PLAC8: variants seen among roughly 807,000 people sequenced by gnomAD.
PLAC8 encodes placenta-specific gene 8 protein.
A neutral mutation model predicts 12.6 loss-of-function variants in PLAC8; 6 were observed. The ratio of observed to expected loss-of-function variants is 0.48; its 90% CI spans 0.26 to 0.94. The LOEUF is 0.94. Among genes scored for constraint, PLAC8 ranks in the 40% least tolerant of loss-of-function variants. PLAC8 has a pLI of 0.14. For missense variants in PLAC8, 122 were observed against 152.7 expected (o/e 0.80, Z 1.06); for synonymous variants, 54 against 52.6 (o/e 1.03, Z -0.11).
At chr4:83,108,513 G>A (rs1402559415) in intron 1 of PLAC8, among the ~76,000 whole-genome samples, 1 of 152,214 alleles carries the variant, frequency 6.6e-6, no homozygotes, top group East Asian at 1.9e-4. Context: ...AGAATCGCTT[G>A]AACCGGGAAG....
At chr4:83,096,941 G>T (rs1578736056) in intron 3 of PLAC8, among the ~76,000 whole-genome samples, 1 of 152,176 alleles carries the variant, frequency 6.6e-6, no homozygotes, top group East Asian at 1.9e-4. Flanking sequence ...TTGGCTTTGG[G>T]TTGCTTTGCA....
At chr4:83,093,074 G>A (rs568276708) in intron 4 of PLAC8, 1 of 152,348 alleles carries the variant, frequency 6.6e-6, no homozygotes, top group Non-Finnish European at 1.5e-5. Context: ...TGGGATCACA[G>A]GTGTGAGCCA....
chr4:83,111,449 C>T (rs570877318), intron 1 of PLAC8, among the ~76,000 whole-genome samples: 2 of 149,896 alleles, frequency 1.3e-5, no homozygotes, highest in East Asian at 2.0e-4. Context: ...GGTGGATCCT[C>T]GGTGACAGAG....
At position 83,104,919 on chromosome 4, in the gene PLAC8, A is replaced by T; in HGVS notation, c.220T>A (p.Tyr74Asn). Residue 74 changes from tyrosine (Y) to asparagine (N), a missense_variant, in exon 3 of 5, where the codon TAC becomes AAC. Coordinates refer to ENST00000311507, the MANE Select transcript of PLAC8 (RefSeq NM_016619.3). Reference sequence around the variant, plus strand: ...ACAGGGATGCCATATCGGGTCCTGTAGAGAGTCCTCATTGCGACGCTTGTT... The same window carrying T: ...ACAGGGATGCCATATCGGGTCCTGTTGAGAGTCCTCATTGCGACGCTTGTT... ...CGTSVAMRTL[Y>N]RTRYGIPGSI... is the part of the protein sequence containing the mutation. The T allele has an allele frequency of 1.2e-6, 2 of 1,614,078 alleles. No individual in the cohort carries two copies. Among genetic ancestry groups the T allele is most frequent in the Non-Finnish European group, 1.7e-6 (2 of 1,179,952 alleles).
At chr4:83,100,621 T>C (rs1378075691) in intron 3 of PLAC8, among the ~76,000 whole-genome samples, 1 of 152,206 alleles carries the variant, frequency 6.6e-6, no homozygotes, top group Non-Finnish European at 1.5e-5. Flanking sequence ...ACTGCTCCAC[T>C]GACCAGCTGT....
chr4:83,108,848 T>A (rs1732326844), intron 1 of PLAC8, among the ~76,000 whole-genome samples: 1 of 152,084 alleles, frequency 6.6e-6, no homozygotes, highest in African/African-American at 2.4e-5. Context: ...GTTCCTAATT[T>A]ATTCTTTTTT....
chr4:83,100,047 G>A (rs1354739041), intron 3 of PLAC8, among the ~76,000 whole-genome samples: 1 of 149,078 alleles, frequency 6.7e-6, no homozygotes, highest in Non-Finnish European at 1.5e-5. Flanking sequence ...GAGGCGGGCA[G>A]ATCACAAGGT....
At chr4:83,095,892 T>C (rs949343118) in intron 3 of PLAC8, among the ~76,000 whole-genome samples, 9 of 152,214 alleles carry the variant, frequency 5.9e-5, no homozygotes, top group African/African-American at 2.2e-4. Context: ...TGGCATTTAA[T>C]GGACTTGAAA....
At chr4:83,113,660 G>A (rs957670573) in intron 1 of PLAC8, among the ~76,000 whole-genome samples, 3 of 151,808 alleles carry the variant, frequency 2.0e-5, no homozygotes, top group Admixed American at 2.0e-4. Flanking sequence ...CAGAGAGAGT[G>A]ATTAAAAAAA....
At chr4:83,107,752 T>C (rs1578744317) in intron 2 of PLAC8, 52 bp downstream of exon 2, 7 of 1,062,206 alleles carry the variant, frequency 6.6e-6, no homozygotes, top group Non-Finnish European at 9.7e-6. Flanking sequence ...GATTGAGTCA[T>C]TGGTAATTCA....
intron 4 of PLAC8, chr4:83,092,810 C>CTTTTTTTTTTTTT (rs70946966): frequency 5.9e-5 from 5 of 84,888 alleles, no homozygotes; most frequent in African/African-American, 5.1e-5. Flanking sequence ...TTTTCTTTTC[C>CTTTTTTTTTTTTT]TTTTTTTTTT....
intron 3 of PLAC8, among the ~76,000 whole-genome samples, chr4:83,095,229 A>G (rs1221006137): frequency 1.3e-5 from 2 of 152,220 alleles, no homozygotes; most frequent in Admixed American, 1.3e-4. Flanking sequence ...GGCAGATCCC[A>G]GGATGAGAGC....
chr4:83,108,158 A>G (rs935706070), intron 1 of PLAC8, among the ~76,000 whole-genome samples: 8 of 150,548 alleles, frequency 5.3e-5, no homozygotes, highest in Non-Finnish European at 1.2e-4. Context: ...TATATATAAA[A>G]GAAATCTCGA....
rs183890721 is a variant in PLAC8, at chr4:83,100,204, C to T, written c.243+4692G>A. 7.9e-5 allele frequency among the ~76,000 whole-genome samples: 12 copies of T among 151,190 alleles called. No individual in the cohort carries two copies. The East Asian group carries it at 2.1e-3, about 27-fold the overall frequency. ...GCTGAGGCAGGAGAATGGCGTGAACCCAGGAGGTGGAGCTTGCAGTGAGCC... is the reference window on the plus strand; with the variant it reads ...GCTGAGGCAGGAGAATGGCGTGAACTCAGGAGGTGGAGCTTGCAGTGAGCC... On this transcript the variant is annotated intron_variant, in intron 3 of 4. Transcript: ENST00000311507.
intron 1 of PLAC8, among the ~76,000 whole-genome samples, chr4:83,113,737 T>C (rs1190201291): frequency 6.6e-6 from 1 of 152,104 alleles, no homozygotes; most frequent in African/African-American, 2.4e-5. Flanking sequence ...ATGGGAATCT[T>C]GGTGGGCAAG....
At chr4:83,102,422 C>T (rs990888098) in intron 3 of PLAC8, among the ~76,000 whole-genome samples, 1 of 152,060 alleles carries the variant, frequency 6.6e-6, no homozygotes, top group Non-Finnish European at 1.5e-5. Flanking sequence ...ATCTATAGCC[C>T]CAGGTACTCA....
At chr4:83,095,263 C>G (rs549809211) in intron 3 of PLAC8, among the ~76,000 whole-genome samples, 1 of 152,040 alleles carries the variant, frequency 6.6e-6, no homozygotes, top group African/African-American at 2.4e-5. Context: ...TAATGGGCAA[C>G]TAGTTTAAAA....
intron 4 of PLAC8, among the ~76,000 whole-genome samples, chr4:83,092,301 A>C (rs1448348031): frequency 6.6e-6 from 1 of 152,198 alleles, no homozygotes; most frequent in Non-Finnish European, 1.5e-5. Flanking sequence ...TGTTGGAATG[A>C]TCTAACTCCC....
At chr4:83,104,394 T>C (rs1256403221) in intron 3 of PLAC8, among the ~76,000 whole-genome samples, 3 of 152,164 alleles carry the variant, frequency 2.0e-5, no homozygotes, top group Non-Finnish European at 1.5e-5. Flanking sequence ...CTAATGCACT[T>C]AGGAGGACTC....
Sources: allele counts gnomAD v4.1 joint callset (sites outside exome capture counted in the v4.1 genomes callset), GRCh38; gene constraint gnomAD v4.1.1; transcripts MANE v1.5; gene names NCBI Gene and HGNC (gene_info 2026-07-23, HGNC 2026-07-21).